The following CCDC3 variants were observed in gnomAD, a reference collection of about 807,000 sequenced individuals.
CCDC3 encodes the protein coiled-coil domain containing 3.
A neutral mutation model predicts 21.4 loss-of-function variants in CCDC3; 24 were observed. That is an observed-to-expected ratio of 1.12 (90% CI 0.81 to 1.58). The LOEUF is 1.58. CCDC3 is among the 40% of genes most tolerant of loss of function. CCDC3 has a pLI of 0.00. For synonymous variants in CCDC3, 186 were observed against 166.0 expected (o/e 1.12, Z -0.93); for missense variants, 425 against 360.9 (o/e 1.18, Z -1.44).
At chr10:13,073,228 A>G (rs1378743988) in intron 4 of CCDC3, among the ~76,000 whole-genome samples, 1 of 152,160 alleles carries the variant, frequency 6.6e-6, no homozygotes, top group African/African-American at 2.4e-5. Flanking sequence ...ATACCATTTT[A>G]CCGGGGCAAA....
At chr10:12,910,632 CAG>C (rs1191975347) in intron 2 of CCDC3, among the ~76,000 whole-genome samples, 1 of 128,530 alleles carries the variant, frequency 7.8e-6, no homozygotes, top group Non-Finnish European at 1.6e-5. Context: ...TTTTTTGACA[CAG>C]AGTCTTGCTC....
At position 12,897,981 on chromosome 10, in the gene CCDC3, A is replaced by G. The variant is rs1458152383; in HGVS notation, c.*435T>C. On this transcript the variant is annotated 3_prime_UTR_variant, in exon 3 of 3. Coordinates refer to ENST00000378825, the MANE Select transcript of CCDC3 (RefSeq NM_031455.4). The stretch of plus-strand genomic sequence containing the variant: ...TGAGGTGCCAGCAGGTTCCAGCACC[A>G]GCGTCAGCTCACTCATCAGGACTAA... The G allele has an allele frequency of 6.4e-6, 1 of 156,366 alleles. No individual in the cohort carries two copies. The highest frequency in any genetic ancestry group is 1.4e-5 in the Non-Finnish European group (1 of 70,794). The allele number at this position is 156,366 out of a possible 1,614,324, so 9.7% of individuals were successfully genotyped here. A position where few individuals can be genotyped will look rare whatever the true frequency, so the allele number is the denominator to read the frequency against.
intron 5 of CCDC3, among the ~76,000 whole-genome samples, chr10:13,012,086 A>C (rs1835990413): frequency 6.6e-6 from 1 of 152,234 alleles, no homozygotes; most frequent in Admixed American, 6.5e-5. Context: ...ACCTAAAACT[A>C]TAAAAACCCT....
intron 2 of CCDC3, among the ~76,000 whole-genome samples, chr10:12,916,292 C>CGTG: frequency 6.6e-6 from 1 of 152,174 alleles, no homozygotes. Context: ...ATTAGCTGGG[C>CGTG]ATGGTGGTGC....
At chr10:12,984,738 ATAC>A (rs1835561143) in intron 2 of CCDC3, among the ~76,000 whole-genome samples, 1 of 152,258 alleles carries the variant, frequency 6.6e-6, no homozygotes, top group Non-Finnish European at 1.5e-5. Flanking sequence ...GTACTGATTC[ATAC>A]TACAATATGA....
chr10:13,034,748 G>C (rs1310862878), intron 5 of CCDC3, among the ~76,000 whole-genome samples: 2 of 151,972 alleles, frequency 1.3e-5, no homozygotes, highest in African/African-American at 2.4e-5. Context: ...TCTGGCGCTG[G>C]GTGCGGTGGC....
At chr10:12,952,869 T>C (rs1159226691) in intron 2 of CCDC3, among the ~76,000 whole-genome samples, 1 of 152,118 alleles carries the variant, frequency 6.6e-6, no homozygotes, top group Non-Finnish European at 1.5e-5. Flanking sequence ...TGCACATCCA[T>C]GGGTTTATTT....
chr10:12,961,240 G>C (rs1189886530), intron 2 of CCDC3, among the ~76,000 whole-genome samples: 2 of 152,196 alleles, frequency 1.3e-5, no homozygotes, highest in African/African-American at 4.8e-5. Flanking sequence ...TGTGAGATGA[G>C]GATCAGAACA....
chr10:13,007,030 C>G (rs951195081), intron 5 of CCDC3, among the ~76,000 whole-genome samples: 2 of 152,194 alleles, frequency 1.3e-5, no homozygotes, highest in Non-Finnish European at 2.9e-5. Flanking sequence ...GAGGTACTTA[C>G]CTTCCCTTTG....
chr10:13,084,417 T>A (rs56186705), intron 3 of CCDC3, among the ~76,000 whole-genome samples: 48,782 of 151,514 alleles, frequency 0.32, 9,080 homozygotes, highest in East Asian at 0.53. Context: ...GCCTCTCAAG[T>A]AGCTGAGATT....
intron 2 of CCDC3, among the ~76,000 whole-genome samples, chr10:12,953,090 GAA>G (rs76338519): frequency 2.0e-5 from 3 of 151,586 alleles, no homozygotes; most frequent in Non-Finnish European, 4.4e-5. Context: ...ATTTATACAG[GAA>G]AAAAAAAGTT....
intron 5 of CCDC3, among the ~76,000 whole-genome samples, chr10:13,049,452 A>G (rs537206904): frequency 6.6e-6 from 1 of 152,272 alleles, no homozygotes; most frequent in South Asian, 2.1e-4. Context: ...TGCTCTTTGG[A>G]ACCCTCAGTT....
intron 2 of CCDC3, among the ~76,000 whole-genome samples, chr10:12,921,386 C>A (rs1179876327): frequency 6.6e-6 from 1 of 152,200 alleles, no homozygotes; most frequent in Non-Finnish European, 1.5e-5. Context: ...CAGCCCGGGG[C>A]CCAGAGCTGG....
chr10:13,000,809 G>T (rs1161064350), intron 1 of CCDC3, among the ~76,000 whole-genome samples: 3 of 152,162 alleles, frequency 2.0e-5, no homozygotes, highest in Non-Finnish European at 4.4e-5. Flanking sequence ...GTTAGGAAGG[G>T]CAGAGCCAAA....
chr10:12,937,558 G>T (rs947145356), intron 2 of CCDC3, among the ~76,000 whole-genome samples: 2 of 152,076 alleles, frequency 1.3e-5, no homozygotes, highest in South Asian at 2.1e-4. Flanking sequence ...GACCTCCTGG[G>T]CTCAATTGAT....
At chr10:12,929,261 C>CAAAAAAA (rs10609537) in intron 2 of CCDC3, among the ~76,000 whole-genome samples, 1 of 104,582 alleles carries the variant, frequency 9.6e-6, no homozygotes, top group Non-Finnish European at 1.9e-5. Flanking sequence ...GATTCCATCT[C>CAAAAAAA]AAAAAAAAAA....
At chr10:12,962,347 G>C (rs956589935) in intron 2 of CCDC3, among the ~76,000 whole-genome samples, 9 of 152,222 alleles carry the variant, frequency 5.9e-5, no homozygotes, top group Non-Finnish European at 1.3e-4. Flanking sequence ...GCTCACGCCT[G>C]TAATCCTAGC....
intron 2 of CCDC3, among the ~76,000 whole-genome samples, chr10:12,929,552 G>T (rs534765579): frequency 2.0e-5 from 3 of 152,238 alleles, no homozygotes; most frequent in East Asian, 3.9e-4. Flanking sequence ...ATGGGTTAGA[G>T]TCCACAGGGA....
At chr10:12,962,242 C>T (rs1007636225) in intron 2 of CCDC3, among the ~76,000 whole-genome samples, 1 of 152,182 alleles carries the variant, frequency 6.6e-6, no homozygotes, top group Non-Finnish European at 1.5e-5. Flanking sequence ...AAACACGTAA[C>T]GATCAGTAAG....
Sources: gnomAD v4.1 joint callset for allele counts (sites outside exome capture counted in the v4.1 genomes callset) on GRCh38, gnomAD v4.1.1 for gene constraint, MANE v1.5 for transcripts, NCBI Gene and HGNC (gene_info 2026-07-23, HGNC 2026-07-21) for gene names.